The following PCSK2 variants were observed in gnomAD, a reference collection of about 807,000 sequenced individuals.
The protein encoded by PCSK2 is proprotein convertase subtilisin/kexin type 2.
In PCSK2, 14 loss-of-function variants were observed where a neutral mutation model predicts 69.7. The observed-to-expected ratio is 0.20, with a 90% CI of 0.13 to 0.31. PCSK2 has a LOEUF of 0.31. Ranked by LOEUF, PCSK2 falls within the 10% of genes least tolerant of loss-of-function variation. The pLI, the probability that PCSK2 is intolerant of heterozygous loss-of-function variation, is 1.00. For missense variants in PCSK2, 544 were observed against 842.5 expected (o/e 0.65, Z 4.39); for synonymous variants, 307 against 320.7 (o/e 0.96, Z 0.46).
At chr20:17,284,188 G>A (rs1480535267) in intron 2 of PCSK2, among the ~76,000 whole-genome samples, 1 of 152,178 alleles carries the variant, frequency 6.6e-6, no homozygotes, top group Non-Finnish European at 1.5e-5. Flanking sequence ...TGGGAACATT[G>A]TTCCCACTAA....
chr20:17,293,306 TAATA>T (rs1988760739), intron 2 of PCSK2, among the ~76,000 whole-genome samples: 1 of 152,238 alleles, frequency 6.6e-6, no homozygotes, highest in South Asian at 2.1e-4. Flanking sequence ...TTGTGTTTTA[TAATA>T]TATTTATATC....
chr20:17,348,059 GA>G (rs1421161637), intron 2 of PCSK2, among the ~76,000 whole-genome samples: 1 of 60,740 alleles, frequency 1.6e-5, no homozygotes, highest in Admixed American at 2.4e-4. Context: ...AGGAAAGAAA[GA>G]AAGAAAGAAA....
intron 5 of PCSK2, among the ~76,000 whole-genome samples, chr20:17,396,000 C>T (rs1045394810): frequency 6.6e-6 from 1 of 152,092 alleles, no homozygotes; most frequent in African/African-American, 2.4e-5. Flanking sequence ...GCCTCAACCT[C>T]GCCAGCCATT....
intron 2 of PCSK2, among the ~76,000 whole-genome samples, chr20:17,297,535 G>T (rs1988934385): frequency 6.6e-6 from 1 of 152,226 alleles, no homozygotes; most frequent in Non-Finnish European, 1.5e-5. Context: ...TGCACTTCAG[G>T]CTGCAGGAGG....
At chr20:17,319,471 C>T (rs562766913) in intron 2 of PCSK2, among the ~76,000 whole-genome samples, 1 of 152,230 alleles carries the variant, frequency 6.6e-6, no homozygotes, top group Admixed American at 6.5e-5. Context: ...GGGATTGGGC[C>T]CTGTATATCT....
chr20:17,330,799 T>C (rs1310559188), intron 2 of PCSK2, among the ~76,000 whole-genome samples: 1 of 152,180 alleles, frequency 6.6e-6, no homozygotes, highest in Non-Finnish European at 1.5e-5. Context: ...GGATGCTCTC[T>C]GCAATTGTCT....
intron 3 of PCSK2, among the ~76,000 whole-genome samples, chr20:17,360,286 A>T (rs2030345272): frequency 6.6e-6 from 1 of 152,090 alleles, no homozygotes; most frequent in African/African-American, 2.4e-5. Flanking sequence ...TAGGGGATTG[A>T]AACTATGTTT....
At chr20:17,302,064 A>C (rs930823123) in intron 2 of PCSK2, among the ~76,000 whole-genome samples, 1 of 152,114 alleles carries the variant, frequency 6.6e-6, no homozygotes, top group Non-Finnish European at 1.5e-5. Flanking sequence ...CAAGTAAAAA[A>C]ATCACACGTT....
Position 17,456,438 on chromosome 20 carries a change from C to T in PCSK2, c.1192C>T (p.Leu398=), listed in dbSNP as rs924248733. 9 of 1,591,272 alleles carry T rather than the reference C, an allele frequency of 5.7e-6. No homozygotes were observed. Among genetic ancestry groups the T allele is most frequent in the Non-Finnish European group, 7.8e-6 (9 of 1,159,282 alleles). Residue 398 remains leucine (L), a synonymous_variant, in exon 10 of 12, where the codon CTG becomes TTG. Coordinates refer to ENST00000262545, the MANE Select transcript of PCSK2 (RefSeq NM_002594.5). ...GGCAGCTGGTGTGTTTGCACTGGCT[C>T]TGGAGGCTAAGTATGTTCATAGCTC... ...PEAAGVFALA[L]EANLGLTWRD... is the part of the protein sequence containing the mutation.
chr20:17,416,950 C>T (rs913870233), intron 6 of PCSK2, among the ~76,000 whole-genome samples: 1 of 151,916 alleles, frequency 6.6e-6, no homozygotes, highest in African/African-American at 2.4e-5. Context: ...CATGTTCTCA[C>T]TCATAGGTGG....
At chr20:17,303,557 AT>A (rs1989225527) in intron 2 of PCSK2, among the ~76,000 whole-genome samples, 1 of 57,928 alleles carries the variant, frequency 1.7e-5, no homozygotes, top group Non-Finnish European at 3.5e-5. Flanking sequence ...GATATAATAT[AT>A]ATTATATAAT....
At position 17,390,977 on chromosome 20, in the gene PCSK2, T is replaced by A. The variant is rs145664239; in HGVS notation, c.544-18286T>A. Reference sequence around the variant, plus strand: ...TCTCTCCAACAGTGTGGATATTCCGTCATTTGTTTAACCAAGCCCCTAATG... The same window carrying A: ...TCTCTCCAACAGTGTGGATATTCCGACATTTGTTTAACCAAGCCCCTAATG... On this transcript the variant is annotated intron_variant, in intron 5 of 11. Transcript: ENST00000262545. Among the ~76,000 whole-genome samples the A allele has an allele frequency of 2.9e-3, 444 of 152,302 alleles. 6 individuals are homozygous for A. Among genetic ancestry groups the A allele is most frequent in the African/African-American group, 9.9e-3 (413 of 41,568 alleles).
At chr20:17,364,693 C>T (rs140787916) in intron 4 of PCSK2, among the ~76,000 whole-genome samples, 1 of 152,176 alleles carries the variant, frequency 6.6e-6, no homozygotes, top group African/African-American at 2.4e-5. Context: ...CATATCCAAC[C>T]CCAACACTTA....
chr20:17,298,052 T>TA (rs562894405), intron 2 of PCSK2, among the ~76,000 whole-genome samples: 145 of 152,334 alleles, frequency 9.5e-4, no homozygotes, highest in African/African-American at 3.4e-3. Context: ...TCCTTCCTCT[T>TA]ACGCTTTGAA....
chr20:17,274,829 C>T (rs2123032193), intron 2 of PCSK2, among the ~76,000 whole-genome samples: 1 of 152,108 alleles, frequency 6.6e-6, no homozygotes, highest in Non-Finnish European at 1.5e-5. Context: ...AACGAATTTT[C>T]CCAGCAGTGC....
chr20:17,324,822 G>A (rs1989991191), intron 2 of PCSK2, among the ~76,000 whole-genome samples: 1 of 152,204 alleles, frequency 6.6e-6, no homozygotes, highest in Admixed American at 6.5e-5. Flanking sequence ...ATCTGCAGAA[G>A]GAAATGGGGA....
chr20:17,369,389 C>T (rs2123230357), intron 5 of PCSK2, 112 bp downstream of exon 5: 6 of 812,364 alleles, frequency 7.4e-6, no homozygotes. Flanking sequence ...CATGCAAGTA[C>T]AGGAGCATGC....
chr20:17,412,516 A>C (rs1600559393), intron 6 of PCSK2, among the ~76,000 whole-genome samples: 1 of 152,366 alleles, frequency 6.6e-6, no homozygotes, highest in Non-Finnish European at 1.5e-5. Flanking sequence ...ACCCTCCAAG[A>C]AATATGGGAC....
chr20:17,340,007 C>G (rs1043550349), intron 2 of PCSK2, among the ~76,000 whole-genome samples: 2 of 152,202 alleles, frequency 1.3e-5, no homozygotes, highest in Admixed American at 1.3e-4. Flanking sequence ...CGCATTCCCC[C>G]TCTCAGGCCT....
Sources: allele counts gnomAD v4.1 joint callset (sites outside exome capture counted in the v4.1 genomes callset), GRCh38; gene constraint gnomAD v4.1.1; transcripts MANE v1.5; gene names NCBI Gene and HGNC (gene_info 2026-07-23, HGNC 2026-07-21).